PI4KA: variants seen among roughly 807,000 people sequenced by gnomAD.
PI4KA encodes the protein phosphatidylinositol 4-kinase alpha.
Under a neutral mutation model 271.4 loss-of-function variants are expected in PI4KA, and 122 were observed. The observed-to-expected ratio is 0.45, with a 90% CI of 0.39 to 0.52. The LOEUF (loss-of-function observed/expected upper bound fraction) is 0.52. Among genes scored for constraint, PI4KA ranks in the 20% least tolerant of loss-of-function variants. The pLI, the probability that PI4KA is intolerant of heterozygous loss-of-function variation, is 0.00. For missense variants in PI4KA, 1,969 were observed against 2,769.1 expected, an observed-to-expected ratio of 0.71 and a Z score of 6.48; for synonymous variants, 1,041 against 1,078.8, an observed-to-expected ratio of 0.96 and a Z score of 0.69.
At chr22:20,712,109 G>C (rs549626600) in intron 50 of PI4KA, among the ~76,000 whole-genome samples, 1 of 148,566 alleles carries the variant, frequency 6.7e-6, no homozygotes, top group Non-Finnish European at 1.5e-5. Context: ...CCAGGCTGGA[G>C]TGCAGTGGCG....
chr22:20,745,114 A>G (rs1365168420), intron 29 of PI4KA, among the ~76,000 whole-genome samples: 3 of 152,236 alleles, frequency 2.0e-5, no homozygotes, highest in African/African-American at 7.2e-5. Context: ...GGGGAGAGCC[A>G]AGGCCAGCAG....
chr22:20,723,028 A>G (rs1926924038), intron 42 of PI4KA, among the ~76,000 whole-genome samples: 1 of 150,806 alleles, frequency 6.6e-6, no homozygotes, highest in Admixed American at 6.6e-5. Context: ...CTTTTGATTT[A>G]CTGTTCCTTT....
chr22:20,752,977 C>T lies in PI4KA; in HGVS notation c.2913G>A (p.Leu971=), dbSNP rs1202827066. The T allele has an allele frequency of 1.9e-6, 3 of 1,614,206 alleles. No homozygotes were observed. Among genetic ancestry groups the T allele is most frequent in the Non-Finnish European group, 2.5e-6 (3 of 1,180,012 alleles). ...TGTGGATGTGGTTGAAGTTCACCAACAGGAACTGAGCGTGCCGCTCCAGCT... is the reference window on the plus strand; with the variant it reads ...TGTGGATGTGGTTGAAGTTCACCAATAGGAACTGAGCGTGCCGCTCCAGCT... ...EEELERHAQF[L]LVNFNHIHKR... Residue 971 remains leucine, a synonymous_variant, in exon 25 of 55, where the codon CTG becomes CTA. Coordinates refer to ENST00000255882, the MANE Select transcript of PI4KA (RefSeq NM_058004.4).
intron 43 of PI4KA, among the ~76,000 whole-genome samples, chr22:20,720,042 AAAAAAAAAAC>A (rs1926534880): frequency 6.6e-6 from 1 of 150,726 alleles, no homozygotes; most frequent in African/African-American, 2.4e-5. Context: ...AAAAAAAAAA[AAAAAAAAAAC>A]CCTTTCTGGT....
chr22:20,855,262 T>TTATA, intron 1 of PI4KA, among the ~76,000 whole-genome samples: 1 of 151,618 alleles, frequency 6.6e-6, no homozygotes, highest in East Asian at 1.9e-4. Flanking sequence ...ACTACATATT[T>TTATA]TATATATATA....
intron 1 of PI4KA, among the ~76,000 whole-genome samples, chr22:20,854,310 G>A (rs757576706): frequency 8.6e-5 from 13 of 151,850 alleles, no homozygotes; most frequent in Non-Finnish European, 1.6e-4. Context: ...TAGTAGAGAC[G>A]GGGTTTCACC....
At chr22:20,801,459 C>T (rs1935324870) in intron 14 of PI4KA, among the ~76,000 whole-genome samples, 1 of 151,952 alleles carries the variant, frequency 6.6e-6, no homozygotes, top group South Asian at 2.1e-4. Context: ...GTGGTGTGTG[C>T]CTGTAATCCC....
chr22:20,715,909 G>A (rs1925939235), intron 45 of PI4KA, among the ~76,000 whole-genome samples: 1 of 151,758 alleles, frequency 6.6e-6, no homozygotes, highest in Non-Finnish European at 1.5e-5. Flanking sequence ...TTGCTTTTTT[G>A]AGATAGAGTC....
In PI4KA at chr22:20,734,439, T is replaced by G. The variant is rs759790439; in HGVS notation, c.3856A>C (p.Lys1286Gln). Reference protein sequence around the residue: ...PLAASEASQPKPCPPEVTPHY... With the variant: ...PLAASEASQPQPCPPEVTPHY... ...GGGGTCACTTCGGGGGGACAGGGTT[T>G]GGGTTGACTTGCTTCCGAGGCAGCC... The change falls in exon 33 of 55, where the codon AAA becomes CAA. Residue 1286 changes from lysine (K) to glutamine (Q), a missense_variant. Lys to Gln is a moderately conservative substitution (Grantham distance 53). Transcript: ENST00000255882. 3.1e-6 allele frequency: 5 copies of G among 1,609,920 alleles called. No individual in the cohort carries two copies. Among genetic ancestry groups the G allele is most frequent in the Non-Finnish European group, 4.2e-6 (5 of 1,177,002 alleles).
chr22:20,844,401 ACACTGAACAAGTATCTGCTGC>A (rs530453381), intron 1 of PI4KA, among the ~76,000 whole-genome samples: 1 of 152,354 alleles, frequency 6.6e-6, no homozygotes, highest in African/African-American at 2.4e-5. Flanking sequence ...CATGCAGTTG[ACACTGAACAAGTATCTGCTGC>A]CTTACTGAAT....
At chr22:20,737,726 G>C (rs955421386) in intron 32 of PI4KA, among the ~76,000 whole-genome samples, 4 of 151,686 alleles carry the variant, frequency 2.6e-5, no homozygotes, top group Admixed American at 2.6e-4. Flanking sequence ...CCGCCTCCTG[G>C]GTTCAAGCGA....
At chr22:20,838,538 T>A in intron 2 of PI4KA, 77 bp downstream of exon 2, 2 of 814,216 alleles carry the variant, frequency 2.5e-6, no homozygotes, top group Non-Finnish European at 4.3e-6. Flanking sequence ...TTTAGGTAAA[T>A]ATAAGCAGAT....
chr22:20,781,099 A>AT (rs929726266), intron 19 of PI4KA, among the ~76,000 whole-genome samples: 8 of 152,040 alleles, frequency 5.3e-5, no homozygotes, highest in Admixed American at 4.6e-4. Context: ...ATAAATTACT[A>AT]TTTCCCCAGC....
intron 49 of PI4KA, 28 bp downstream of exon 49, chr22:20,712,665 C>T (rs1173172862): frequency 6.4e-7 from 1 of 1,553,826 alleles, no homozygotes; most frequent in Admixed American, 1.9e-5. Context: ...CCCAGGGCTG[C>T]CCTACTGGCT....
chr22:20,778,555 C>T (rs73162808), intron 19 of PI4KA, among the ~76,000 whole-genome samples: 22 of 152,132 alleles, frequency 1.4e-4, no homozygotes, highest in Non-Finnish European at 2.9e-4. Flanking sequence ...AAAAAAACAA[C>T]GAATTAAACA....
At chr22:20,762,468 C>T (rs776412962) in intron 22 of PI4KA, among the ~76,000 whole-genome samples, 21 of 152,162 alleles carry the variant, frequency 1.4e-4, no homozygotes, top group Admixed American at 7.9e-4. Flanking sequence ...GTAGGCAGCC[C>T]GAGGTGGAAG....
At chr22:20,730,996 G>A (rs1260615728) in intron 36 of PI4KA, among the ~76,000 whole-genome samples, 1 of 151,946 alleles carries the variant, frequency 6.6e-6, no homozygotes, top group Non-Finnish European at 1.5e-5. Context: ...GGACAACAAG[G>A]CAAGACGCCC....
intron 7 of PI4KA, among the ~76,000 whole-genome samples, chr22:20,815,240 G>A (rs1261919310): frequency 1.3e-5 from 2 of 151,552 alleles, no homozygotes; most frequent in Non-Finnish European, 1.5e-5. Context: ...AATTAGCTGG[G>A]CGTGGTGGCA....
intron 32 of PI4KA, among the ~76,000 whole-genome samples, chr22:20,737,694 C>T (rs534148608): frequency 6.7e-6 from 1 of 149,410 alleles, no homozygotes; most frequent in Admixed American, 6.7e-5. Context: ...TGCAATGGTG[C>T]GATCTTGGCT....
Sources: allele counts gnomAD v4.1 joint callset (sites outside exome capture counted in the v4.1 genomes callset), GRCh38; gene constraint gnomAD v4.1.1; transcripts MANE v1.5; gene names NCBI Gene and HGNC (gene_info 2026-07-23, HGNC 2026-07-21).